The following MACF1 variants were observed in gnomAD, a reference collection of about 807,000 sequenced individuals.
MACF1 encodes microtubule-actin cross-linking factor 1.
A neutral mutation model predicts 854.8 loss-of-function variants in MACF1; 193 were observed. That is an observed-to-expected ratio of 0.23 (90% confidence interval 0.20 to 0.25). The LOEUF (loss-of-function observed/expected upper bound fraction) is 0.25, where lower values mean the gene tolerates loss of function less well. Among genes scored for constraint, MACF1 ranks in the 10% least tolerant of loss-of-function variants. MACF1 has a pLI of 1.00. For synonymous variants in MACF1, 3,185 were observed against 3,226.7 expected, an observed-to-expected ratio of 0.99 and a Z score of 0.44; for missense variants, 7,722 against 8,929.1, an observed-to-expected ratio of 0.86 and a Z score of 5.45.
chr1:39,446,713 A>T (rs1644238901), intron 80 of MACF1, among the ~76,000 whole-genome samples: 1 of 152,138 alleles, frequency 6.6e-6, no homozygotes, highest in Non-Finnish European at 1.5e-5. Context: ...GTCATTACCA[A>T]AAGGTTAGTG....
intron 59 of MACF1, 28 bp from the exon 60 acceptor site, chr1:39,422,693 TCCGTTCTCA>T (rs1232474512): frequency 6.3e-7 from 1 of 1,597,266 alleles, no homozygotes; most frequent in Non-Finnish European, 8.6e-7. Flanking sequence ...AACTACTTTC[TCCGTTCTCA>T]TAATGAACCT....
intron 2 of MACF1, among the ~76,000 whole-genome samples, chr1:39,108,975 G>A (rs1174353071): frequency 1.3e-5 from 2 of 152,178 alleles, no homozygotes; most frequent in Admixed American, 6.5e-5. Flanking sequence ...ATTTATCCTA[G>A]TGCAGAAAAT....
intron 58 of MACF1, chr1:39,410,760 G>T (rs1156562680): frequency 6.2e-7 from 1 of 1,613,998 alleles, no homozygotes; most frequent in South Asian, 1.1e-5. Context: ...ATCCTTCCTT[G>T]CAAGAGAAGA....
intron 2 of MACF1, among the ~76,000 whole-genome samples, chr1:39,086,082 G>C (rs1194180417): frequency 6.6e-6 from 1 of 152,164 alleles, no homozygotes; most frequent in Non-Finnish European, 1.5e-5. Context: ...CACTCCCTTA[G>C]AAGAGTGAGC....
At chr1:39,371,776 G>A (rs995972431) in intron 51 of MACF1, among the ~76,000 whole-genome samples, 1 of 147,010 alleles carries the variant, frequency 6.8e-6, no homozygotes, top group Non-Finnish European at 1.5e-5. Flanking sequence ...TATGCATGTT[G>A]TTCCCTCTTG....
chr1:39,476,912 C>CT (rs1280160824), intron 97 of MACF1, among the ~76,000 whole-genome samples: 3 of 150,258 alleles, frequency 2.0e-5, no homozygotes, highest in South Asian at 2.1e-4. Flanking sequence ...CTGTCCTCCC[C>CT]GGCTTCAAGG....
chr1:39,388,570 C>T lies in MACF1; in HGVS notation c.15728C>T (p.Ala5243Val), dbSNP rs1641888751. ...AGGAAATTGAAAGGACTCAATGACG[C>T]GACCACAGCAGCAGAGGAGGCAGAG... ...FYRKLKGLND[A>V]TTAAEEAEAL... The change falls in exon 58 of 101, where the codon GCG (alanine) becomes GTG (valine). Residue 5243 changes from alanine to valine, a missense_variant. Physicochemically the swap from Ala to Val is moderately conservative, Grantham distance 64. This residue lies in a region of MACF1 where 2,807 missense variants were observed against 3,235.8 expected (regional missense o/e 0.87). Coordinates refer to ENST00000564288, the MANE Select transcript of MACF1 (RefSeq NM_001394062.1). 6 of 1,614,062 alleles carry T rather than the reference C, an allele frequency of 3.7e-6. No homozygotes were observed. The highest frequency in any genetic ancestry group is 1.3e-5 in the African/African-American group (1 of 75,026).
At chr1:39,358,430 A>G (rs1647785055) in intron 45 of MACF1, among the ~76,000 whole-genome samples, 1 of 152,174 alleles carries the variant, frequency 6.6e-6, no homozygotes, top group Admixed American at 6.5e-5. Flanking sequence ...TTTGTCTGCA[A>G]CCTTATGTTC....
intron 58 of MACF1, among the ~76,000 whole-genome samples, chr1:39,414,853 T>G (rs766441818): frequency 1.3e-5 from 2 of 152,150 alleles, no homozygotes; most frequent in Non-Finnish European, 2.9e-5. Flanking sequence ...GTGTCAACAT[T>G]TAGGTAGAGG....
chr1:39,410,313 C>G (rs750937034), intron 58 of MACF1: 4 of 1,612,050 alleles, frequency 2.5e-6, no homozygotes, highest in Non-Finnish European at 3.4e-6. Flanking sequence ...GGAACCCCAG[C>G]TGCCTGGGGA....
chr1:39,476,830 G>A (rs1302960038), intron 97 of MACF1, among the ~76,000 whole-genome samples: 7 of 150,990 alleles, frequency 4.6e-5, no homozygotes, highest in East Asian at 1.9e-4. Flanking sequence ...GGTGGATCAC[G>A]CCTGTAATCC....
chr1:39,340,534 C>T lies in MACF1; in HGVS notation c.10248C>T (p.Thr3416=), dbSNP rs758707701. The change falls in exon 39 of 101, where the codon ACC becomes ACT. Residue 3416 remains threonine, a synonymous_variant. Coordinates refer to ENST00000564288, the MANE Select transcript of MACF1 (RefSeq NM_001394062.1). ...VLERELKDLT[T]LVSQELECVN... ...AAAGGGAGTTAAAGGATCTGACCAC[C>T]TTGGTCAGTCAGGAGCTGGAGTGTG... 38 of 1,613,786 alleles carry T rather than the reference C, an allele frequency of 2.4e-5. No homozygotes were observed. Among genetic ancestry groups the T allele is most frequent in the Admixed American group, 3.3e-5 (2 of 60,000 alleles).
At chr1:39,206,462 TA>T (rs2148269172) in intron 1 of MACF1, 1 of 152,358 alleles carries the variant, frequency 6.6e-6, no homozygotes, top group South Asian at 2.1e-4. Context: ...AAACATTAAA[TA>T]ACTAATTAGT....
At chr1:39,234,324 G>A (rs1412935342) in intron 2 of MACF1, among the ~76,000 whole-genome samples, 1 of 151,862 alleles carries the variant, frequency 6.6e-6, no homozygotes, top group African/African-American at 2.4e-5. Flanking sequence ...CAGACGGGGT[G>A]GTGGCCGGGC....
Position 39,226,497 on chromosome 1 carries a change from C to T in MACF1, c.110-4685C>T, listed in dbSNP as rs561276723. 2.0e-3 allele frequency among the ~76,000 whole-genome samples: 308 copies of T among 152,204 alleles called. 2 individuals carry two copies. The highest frequency in any genetic ancestry group is 7.2e-3 in the African/African-American group (298 of 41,532). On this transcript the variant is annotated intron_variant, in intron 1 of 100. Coordinates refer to ENST00000564288, the MANE Select transcript of MACF1 (RefSeq NM_001394062.1). ...CTGGGATTACAGGCGTGTGCCACCA[C>T]GCCCAGCTAATTTTTGTATTTTTAG...
chr1:39,167,493 A>T (rs1643893913), intron 2 of MACF1, among the ~76,000 whole-genome samples: 1 of 151,642 alleles, frequency 6.6e-6, no homozygotes, highest in South Asian at 2.1e-4. Flanking sequence ...GATCACCTGA[A>T]GTCAGGAGTT....
In MACF1 at chr1:39,387,302, C is replaced by T. The variant is rs1226232983; in HGVS notation, c.14460C>T (p.Cys4820=). ...AACAAAGCCAGCAAGCAAAAAACTG[C>T]CCAATTTCTGCAAAATTGGAGCGGC... ...DDKQSQQAKN[C]PISAKLERLQ... is the part of the protein sequence containing the mutation. The change falls in exon 58 of 101, where the codon TGC becomes TGT. Residue 4820 remains cysteine, a synonymous_variant. Coordinates refer to ENST00000564288, the MANE Select transcript of MACF1 (RefSeq NM_001394062.1). 1.2e-6 allele frequency: 2 copies of T among 1,614,094 alleles called. No individual in the cohort carries two copies. Among genetic ancestry groups the T allele is most frequent in the East Asian group, 2.2e-5 (1 of 44,898 alleles).
At chr1:39,351,633 C>T (rs1392558937) in intron 43 of MACF1, among the ~76,000 whole-genome samples, 1 of 127,806 alleles carries the variant, frequency 7.8e-6, no homozygotes, top group African/African-American at 3.0e-5. Flanking sequence ...GTTGCCAAGA[C>T]TGGAGTACAG....
At chr1:39,127,605 C>G (rs570039959) in intron 2 of MACF1, among the ~76,000 whole-genome samples, 1 of 152,290 alleles carries the variant, frequency 6.6e-6, no homozygotes, top group Admixed American at 6.5e-5. Context: ...GCTCTTAACT[C>G]AGTATATACT....
Sources: allele counts gnomAD v4.1 joint callset (sites outside exome capture counted in the v4.1 genomes callset), GRCh38; gene constraint gnomAD v4.1.1; regional missense constraint gnomAD v4.1.1; transcripts MANE v1.5; gene names NCBI Gene and HGNC (gene_info 2026-07-23, HGNC 2026-07-21).